The following AUTS2 variants were observed in gnomAD, a reference collection of about 807,000 sequenced individuals.
The protein encoded by AUTS2 is activator of transcription and developmental regulator AUTS2.
A neutral mutation model predicts 112.4 loss-of-function variants in AUTS2; 17 were observed. The observed-to-expected ratio is 0.15, with a 90% CI of 0.10 to 0.23. The LOEUF is 0.23. Among genes scored for constraint, AUTS2 ranks in the 10% least tolerant of loss-of-function variants. The pLI is 1.00. For synonymous variants in AUTS2, 751 were observed against 702.7 expected (o/e 1.07, Z -1.09); for missense variants, 1,510 against 1,701.6 (o/e 0.89, Z 1.98).
At chr7:70,058,706 C>T (rs1802105323) in intron 2 of AUTS2, among the ~76,000 whole-genome samples, 1 of 151,098 alleles carries the variant, frequency 6.6e-6, no homozygotes, top group South Asian at 2.1e-4. Context: ...TGTCATACTT[C>T]ATGTCTTTCC....
intron 5 of AUTS2, among the ~76,000 whole-genome samples, chr7:70,501,319 G>T (rs898643885): frequency 2.0e-5 from 3 of 152,190 alleles, no homozygotes; most frequent in African/African-American, 7.2e-5. Context: ...GGGCCAGGAA[G>T]AATGCTCTAG....
chr7:69,764,630 G>T (rs1165619248), intron 1 of AUTS2, among the ~76,000 whole-genome samples: 1 of 152,168 alleles, frequency 6.6e-6, no homozygotes, highest in Non-Finnish European at 1.5e-5. Context: ...ATTCTAGCCA[G>T]ATAAAGGAGA....
chr7:70,363,468 A>G (rs1485773924), intron 4 of AUTS2, among the ~76,000 whole-genome samples: 2 of 123,088 alleles, frequency 1.6e-5, no homozygotes, highest in Middle Eastern at 4.3e-3. Context: ...AAAAAAAGAA[A>G]AAAAAAAAAA....
intron 5 of AUTS2, among the ~76,000 whole-genome samples, chr7:70,608,716 C>G (rs1338185365): frequency 6.6e-6 from 1 of 152,148 alleles, no homozygotes; most frequent in African/African-American, 2.4e-5. Flanking sequence ...ATTGGACAAT[C>G]CCCTGGTGTA....
intron 5 of AUTS2, among the ~76,000 whole-genome samples, chr7:70,555,119 A>G (rs1331676055): frequency 6.6e-6 from 1 of 152,194 alleles, no homozygotes; most frequent in Admixed American, 6.5e-5. Flanking sequence ...GAAAGATACT[A>G]GAGTATCTGG....
chr7:69,605,006 G>A (rs1372603560), intron 1 of AUTS2, among the ~76,000 whole-genome samples: 2 of 152,250 alleles, frequency 1.3e-5, no homozygotes, highest in African/African-American at 4.8e-5. Flanking sequence ...TGGATGCCAT[G>A]TTCTGTCAGA....
At chr7:70,596,450 G>A (rs35996491) in intron 5 of AUTS2, 13,200 of 152,290 alleles carry the variant, frequency 0.087, 924 homozygotes, top group African/African-American at 0.19. Context: ...GTACCGCACG[G>A]CTGCCACCCT....
At chr7:70,509,060 A>G (rs1799081785) in intron 5 of AUTS2, among the ~76,000 whole-genome samples, 1 of 152,196 alleles carries the variant, frequency 6.6e-6, no homozygotes, top group Non-Finnish European at 1.5e-5. Flanking sequence ...CTAGTCTTCT[A>G]CATCCATGAC....
At chr7:69,785,114 C>T (rs992953683) in intron 1 of AUTS2, among the ~76,000 whole-genome samples, 2 of 152,022 alleles carry the variant, frequency 1.3e-5, no homozygotes, top group Non-Finnish European at 2.9e-5. Context: ...AATGACTATA[C>T]AATACATAAA....
intron 2 of AUTS2, among the ~76,000 whole-genome samples, chr7:69,953,522 A>T (rs1190006749): frequency 5.3e-5 from 8 of 152,182 alleles, no homozygotes; most frequent in Non-Finnish European, 1.2e-4. Context: ...TTGTGTTTTC[A>T]TTCTGATGGT....
chr7:70,157,795 T>C (rs1319453956), intron 4 of AUTS2, among the ~76,000 whole-genome samples: 2 of 151,878 alleles, frequency 1.3e-5, no homozygotes, highest in Admixed American at 1.3e-4. Context: ...ATTTTTAAAC[T>C]GGAATATCCA....
chr7:70,590,469 C>T (rs986107258), intron 5 of AUTS2, among the ~76,000 whole-genome samples: 1 of 152,080 alleles, frequency 6.6e-6, no homozygotes, highest in African/African-American at 2.4e-5. Flanking sequence ...ATTTTAGAAA[C>T]TCTTTGGATA....
intron 14 of AUTS2, among the ~76,000 whole-genome samples, chr7:70,777,754 T>C (rs879902037): frequency 1.3e-5 from 2 of 152,180 alleles, no homozygotes; most frequent in African/African-American, 2.4e-5. Flanking sequence ...GATCCAAAGG[T>C]CTTGAATATG....
intron 4 of AUTS2, among the ~76,000 whole-genome samples, chr7:70,354,504 G>A (rs564590953): frequency 7.9e-5 from 12 of 152,306 alleles, no homozygotes; most frequent in African/African-American, 2.9e-4. Flanking sequence ...ACAATCCTGT[G>A]AGGTAAAGTC....
chr7:70,789,037 G>A (rs1258728168), intron 18 of AUTS2, among the ~76,000 whole-genome samples: 4 of 152,186 alleles, frequency 2.6e-5, no homozygotes, highest in Non-Finnish European at 5.9e-5. Flanking sequence ...ATGAGGTTTC[G>A]TGTTTAGGGA....
chr7:69,957,337 A>G (rs1001349849), intron 2 of AUTS2, among the ~76,000 whole-genome samples: 6 of 152,008 alleles, frequency 3.9e-5, no homozygotes, highest in African/African-American at 1.4e-4. Context: ...AGTCATATCT[A>G]GTAGGGAGTC....
chr7:70,784,902 CT>C (rs775766400), intron 15 of AUTS2, 39 bp from the exon 16 acceptor site: 2 of 1,605,848 alleles, frequency 1.2e-6, no homozygotes, highest in South Asian at 1.1e-5. Flanking sequence ...TCGAAGTTGG[CT>C]TTTTGTAAAC....
chr7:70,485,749 C>T (rs887863268), intron 5 of AUTS2, among the ~76,000 whole-genome samples: 6 of 152,098 alleles, frequency 3.9e-5, no homozygotes, highest in African/African-American at 1.2e-4. Flanking sequence ...TAGGGGACCC[C>T]GTGTGTTCCT....
chr7:70,402,523 TAAAG>T (rs911230722), intron 4 of AUTS2, among the ~76,000 whole-genome samples: 1 of 152,152 alleles, frequency 6.6e-6, no homozygotes, highest in Non-Finnish European at 1.5e-5. Context: ...CATCAAGTAA[TAAAG>T]AAACGATTCC....
Sources: allele counts gnomAD v4.1 joint callset (sites outside exome capture counted in the v4.1 genomes callset), GRCh38; gene constraint gnomAD v4.1.1; transcripts MANE v1.5; gene names NCBI Gene and HGNC (gene_info 2026-07-23, HGNC 2026-07-21).